Variants in TEX264 observed in about 807,000 individuals in gnomAD.
The protein encoded by TEX264 is testis-expressed protein 264.
A neutral mutation model predicts 23.4 loss-of-function variants in TEX264; 13 were observed. The observed-to-expected ratio is 0.56, with a 90% confidence interval of 0.36 to 0.88. The LOEUF is 0.88. Among genes scored for constraint, TEX264 ranks in the 40% least tolerant of loss-of-function variants. The probability of loss-of-function intolerance (pLI) is 0.01; values close to 1 mark genes in which losing one functional copy is unlikely to be tolerated. For missense variants in TEX264, 340 were observed against 406.8 expected, an observed-to-expected ratio of 0.84 and a Z score of 1.41; for synonymous variants, 159 against 170.0, an observed-to-expected ratio of 0.94 and a Z score of 0.50.
chr3:51,674,621 T>TG (rs1161930925), intron 2 of TEX264, 59 bp downstream of exon 2: 11 of 1,585,362 alleles, frequency 6.9e-6, no homozygotes, highest in East Asian at 4.5e-5. Flanking sequence ...AGGGCTTCTT[T>TG]GGGGAGGGTA....
At position 51,704,322 on chromosome 3, in the gene TEX264, G is replaced by T. The variant is rs1019771528; in HGVS notation, c.*306G>T. ...GCCAATGATTTACTTGTTTCACCTG[G>T]ATTTGGGTTGTGTATTTGTTTGTTC... On this transcript the variant is annotated 3_prime_UTR_variant, in exon 5 of 5. Transcript: ENST00000341333. The T allele has an allele frequency of 4.9e-5, 12 of 243,500 alleles. No individual in the cohort carries two copies. The highest frequency in any genetic ancestry group is 1.6e-4 in the African/African-American group (7 of 44,748). 15.1% of individuals were successfully genotyped at this position (243,500 alleles called of 1,614,324 possible).
intron 3 of TEX264, among the ~76,000 whole-genome samples, chr3:51,690,014 C>T (rs1403390855): frequency 2.0e-5 from 3 of 152,164 alleles, no homozygotes; most frequent in Non-Finnish European, 4.4e-5. Context: ...GCCTGTGGGC[C>T]CCAGCAGATT....
chr3:51,693,761 T>G (rs1382476164), intron 3 of TEX264, among the ~76,000 whole-genome samples: 1 of 152,152 alleles, frequency 6.6e-6, no homozygotes, highest in Non-Finnish European at 1.5e-5. Flanking sequence ...ATGACAGGCG[T>G]GAGCCACCAC....
chr3:51,675,608 T>C (rs943452530), intron 2 of TEX264, among the ~76,000 whole-genome samples: 2 of 152,148 alleles, frequency 1.3e-5, no homozygotes, highest in Non-Finnish European at 2.9e-5. Flanking sequence ...CATAAGTGAT[T>C]CTCCAACAAG....
At chr3:51,690,008 G>C (rs1363743807) in intron 3 of TEX264, among the ~76,000 whole-genome samples, 1 of 152,212 alleles carries the variant, frequency 6.6e-6, no homozygotes, top group African/African-American at 2.4e-5. Flanking sequence ...ACTAAGGCCT[G>C]TGGGCCCCAG....
Position 51,686,344 on chromosome 3 carries a change from T to C in TEX264, c.480+1710T>C, listed in dbSNP as rs547901120. ...CAGTGGGAGTGAGAGCCTGGTACACTTGGAGGATCCTTGCAACTTTGTTCA... is the reference window on the plus strand; with the variant it reads ...CAGTGGGAGTGAGAGCCTGGTACACCTGGAGGATCCTTGCAACTTTGTTCA... On this transcript the variant is annotated intron_variant, in intron 3 of 4. Coordinates refer to ENST00000341333, the MANE Select transcript of TEX264 (RefSeq NM_015926.6). The surrounding 1 kb of genome is among the most constrained non-coding windows in gnomAD (Gnocchi z 4.1). 2.6e-5 allele frequency among the ~76,000 whole-genome samples: 4 copies of C among 152,182 alleles called. No homozygotes were observed. The East Asian group carries it at 7.7e-4, about 29-fold the overall frequency.
intron 3 of TEX264, among the ~76,000 whole-genome samples, chr3:51,694,757 T>G (rs1702992900): frequency 6.6e-6 from 1 of 152,148 alleles, no homozygotes; most frequent in South Asian, 2.1e-4. Context: ...TTTTCAGAGC[T>G]TTGGGCTCTG....
At chr3:51,694,200 C>T (rs1189269974) in intron 3 of TEX264, among the ~76,000 whole-genome samples, 4 of 151,412 alleles carry the variant, frequency 2.6e-5, no homozygotes, top group Non-Finnish European at 4.4e-5. Flanking sequence ...GGCGCGATCT[C>T]GGCTCACTGC....
At chr3:51,702,422 C>T (rs1283888803) in intron 4 of TEX264, among the ~76,000 whole-genome samples, 1 of 152,212 alleles carries the variant, frequency 6.6e-6, no homozygotes, top group African/African-American at 2.4e-5. Context: ...CTGCCAGTAG[C>T]GCCCAGAGGG....
chr3:51,687,069 G>A (rs1053986990), intron 3 of TEX264, among the ~76,000 whole-genome samples: 3 of 152,222 alleles, frequency 2.0e-5, no homozygotes, highest in Non-Finnish European at 4.4e-5. Flanking sequence ...GAGCCTGTCA[G>A]CTGTGCTCCT....
rs1004789085 is a variant in TEX264, at chr3:51,704,239, C to T, written c.*223C>T. On this transcript the variant is annotated 3_prime_UTR_variant, in exon 5 of 5. Coordinates refer to ENST00000341333, the MANE Select transcript of TEX264 (RefSeq NM_015926.6). ...TTTCTGCACCAGCCCCCAGGGCTGC[C>T]ACCCCTGTTGTGTCTTTTTTTCAGA... 1.7e-5 allele frequency: 7 copies of T among 404,712 alleles called. No individual in the cohort carries two copies. Among genetic ancestry groups the T allele is most frequent in the African/African-American group, 8.2e-5 (4 of 48,736 alleles). The allele number at this position is 404,712 out of a possible 1,614,324, so 25.1% of individuals were successfully genotyped here. A position where few individuals can be genotyped will look rare whatever the true frequency, so the allele number is the denominator to read the frequency against.
intron 4 of TEX264, among the ~76,000 whole-genome samples, chr3:51,702,297 C>T (rs1466258266): frequency 6.6e-6 from 1 of 152,196 alleles, no homozygotes; most frequent in African/African-American, 2.4e-5. Flanking sequence ...CTTAAAGCTC[C>T]CCCAGCTCCC....
chr3:51,671,520 G>T (rs1359618165), intron 1 of TEX264: 2 of 154,490 alleles, frequency 1.3e-5, no homozygotes, highest in African/African-American at 4.8e-5. Context: ...GCGGCCACCG[G>T]TGCAGGGCAT....
At chr3:51,684,385 C>G (rs1400425427) in intron 2 of TEX264, 28 bp from the exon 3 acceptor site, 8 of 1,609,288 alleles carry the variant, frequency 5.0e-6, no homozygotes, top group Admixed American at 3.3e-5. Context: ...CTTTGGCCAA[C>G]TCTCACACCC....
intron 3 of TEX264, among the ~76,000 whole-genome samples, chr3:51,697,359 G>T (rs1294271984): frequency 6.6e-6 from 1 of 152,202 alleles, no homozygotes; most frequent in Non-Finnish European, 1.5e-5. Flanking sequence ...AGCTAGGGAG[G>T]TGGCTTGAGT....
intron 3 of TEX264, among the ~76,000 whole-genome samples, chr3:51,690,072 C>T (rs1041187331): frequency 6.6e-6 from 1 of 152,160 alleles, no homozygotes; most frequent in Non-Finnish European, 1.5e-5. Flanking sequence ...TGAGGAAGCT[C>T]GAAACAGCCT....
chr3:51,672,388 C>G (rs1702079000), intron 1 of TEX264: 1 of 152,266 alleles, frequency 6.6e-6, no homozygotes, highest in African/African-American at 2.4e-5. Context: ...CTCTGAGACC[C>G]CCAGGTGGGT....
intron 3 of TEX264, among the ~76,000 whole-genome samples, chr3:51,692,241 A>T (rs1450121608): frequency 1.3e-5 from 2 of 152,184 alleles, no homozygotes; most frequent in African/African-American, 4.8e-5. Context: ...TTTACTTATC[A>T]AAGAAGAATT....
chr3:51,671,794 G>T (rs1315722495), intron 1 of TEX264: 1 of 152,322 alleles, frequency 6.6e-6, no homozygotes, highest in Non-Finnish European at 1.5e-5. Context: ...TGCTAGCACC[G>T]AAGTTTAGCC....
Sources: allele counts gnomAD v4.1 joint callset (sites outside exome capture counted in the v4.1 genomes callset), GRCh38; gene constraint gnomAD v4.1.1; non-coding constraint Gnocchi (gnomAD v3.1); transcripts MANE v1.5; gene names NCBI Gene and HGNC (gene_info 2026-07-23, HGNC 2026-07-21).